The following CEPT1 variants were observed in gnomAD, a reference collection of about 807,000 sequenced individuals.
The protein encoded by CEPT1 is choline/ethanolaminephosphotransferase 1.
In CEPT1, 7 loss-of-function variants were observed where a neutral mutation model predicts 42.6. The ratio of observed to expected loss-of-function variants is 0.16; its 90% confidence interval spans 0.09 to 0.31. The LOEUF (loss-of-function observed/expected upper bound fraction) is 0.31, where lower values mean the gene tolerates loss of function less well. Ranked by LOEUF, CEPT1 falls within the 10% of genes least tolerant of loss-of-function variation. The pLI, the probability that CEPT1 is intolerant of heterozygous loss-of-function variation, is 1.00. For synonymous variants in CEPT1, 171 were observed against 171.9 expected, an observed-to-expected ratio of 0.99 and a Z score of 0.04; for missense variants, 306 against 502.1, an observed-to-expected ratio of 0.61 and a Z score of 3.73.
chr1:111,172,233 C>T lies in CEPT1; in HGVS notation c.630-2646C>T, dbSNP rs1318374059. Among the ~76,000 whole-genome samples, 5 of 152,032 alleles carry T rather than the reference C, an allele frequency of 3.3e-5. No homozygotes were observed. The South Asian group carries it at 1.0e-3, about 32-fold the overall frequency. The stretch of plus-strand genomic sequence containing the variant: ...CATTTGGGTCCTCTTTGACCACATA[C>T]CCCATGTGTCTTGAAGGGTTTTTTG... On this transcript the variant is annotated intron_variant, in intron 4 of 8. Transcript: ENST00000357172.
At chr1:111,167,419 AGTCAAT>A (rs1656193809) in intron 4 of CEPT1, 2 of 909,686 alleles carry the variant, frequency 2.2e-6, no homozygotes, top group Non-Finnish European at 2.6e-6. Context: ...TTGATGCTAA[AGTCAAT>A]TCTCCTGTTT....
At chr1:111,167,111 A>G in intron 4 of CEPT1, 1 of 985,240 alleles carries the variant, frequency 1.0e-6, no homozygotes, top group Non-Finnish European at 1.2e-6. Context: ...CATAGATTCG[A>G]TGTTACAGAG....
intron 6 of CEPT1, 193 bp from the exon 7 acceptor site, chr1:111,182,606 C>T (rs186474085): frequency 5.1e-6 from 3 of 588,056 alleles, no homozygotes; most frequent in East Asian, 3.0e-5. Flanking sequence ...GTGAAATCCT[C>T]AGTTTGTGCC....
intron 5 of CEPT1, among the ~76,000 whole-genome samples, chr1:111,176,483 T>C (rs1367201531): frequency 2.0e-5 from 3 of 152,174 alleles, no homozygotes; most frequent in Admixed American, 1.3e-4. Context: ...ATTTGTAATA[T>C]GTTGTACATA....
At chr1:111,170,769 G>A (rs1001560612) in intron 4 of CEPT1, among the ~76,000 whole-genome samples, 5 of 152,118 alleles carry the variant, frequency 3.3e-5, no homozygotes, top group African/African-American at 4.8e-5. Context: ...GAATCTAGAC[G>A]TCTTCAAATA....
In CEPT1 at chr1:111,174,863, T is replaced by C; in HGVS notation, c.630-16T>C. 6.4e-7 allele frequency: 1 copy of C among 1,566,414 alleles called. No homozygotes were observed. The highest frequency in any genetic ancestry group is 8.8e-7 in the Non-Finnish European group (1 of 1,136,896). On this transcript the variant is annotated splice_polypyrimidine_tract_variant and intron_variant, in intron 4 of 8. Coordinates refer to ENST00000357172, the MANE Select transcript of CEPT1 (RefSeq NM_006090.5). The stretch of plus-strand genomic sequence containing the variant: ...TGTGACTAATTCTGCTCTTTTGGCT[T>C]TTTGTACCTAATCAGAATTGATGTG...
At chr1:111,184,080 T>C in intron 8 of CEPT1, 111 bp from the exon 9 acceptor site, 1 of 1,094,982 alleles carries the variant, frequency 9.1e-7, no homozygotes, top group Non-Finnish European at 1.3e-6. Context: ...ATTGAATTAT[T>C]TTATGGAATG....
At chr1:111,182,525 C>T (rs1657040678) in intron 6 of CEPT1, 2 of 585,792 alleles carry the variant, frequency 3.4e-6, no homozygotes, top group South Asian at 2.4e-5. Flanking sequence ...TGCATACACA[C>T]ACACAAACAC....
At chr1:111,144,172 G>A (rs1417772834) in intron 1 of CEPT1, among the ~76,000 whole-genome samples, 2 of 152,092 alleles carry the variant, frequency 1.3e-5, no homozygotes, top group Non-Finnish European at 1.5e-5. Flanking sequence ...CTTTTCATTT[G>A]CTAAAATTCA....
chr1:111,160,807 G>GC (rs1162430543), intron 3 of CEPT1: 2 of 267,398 alleles, frequency 7.5e-6, no homozygotes, highest in Non-Finnish European at 1.4e-5. Flanking sequence ...GGATTATATA[G>GC]CCCCTTTGTT....
intron 2 of CEPT1, among the ~76,000 whole-genome samples, chr1:111,158,364 A>AT (rs1655683920): frequency 1.3e-5 from 2 of 152,190 alleles, no homozygotes; most frequent in Non-Finnish European, 1.5e-5. Context: ...AAATAAATAA[A>AT]TAAATTAATT....
intron 3 of CEPT1, chr1:111,160,419 T>C (rs1655807495): frequency 6.6e-6 from 1 of 152,236 alleles, no homozygotes; most frequent in African/African-American, 2.4e-5. Context: ...CTTATAGTTT[T>C]ACCTCCTGAA....
At chr1:111,145,059 A>G (rs1245510766) in intron 1 of CEPT1, among the ~76,000 whole-genome samples, 2 of 151,942 alleles carry the variant, frequency 1.3e-5, no homozygotes, top group Non-Finnish European at 2.9e-5. Context: ...TTTGTCACTC[A>G]GGCTGGAATG....
Position 111,182,335 on chromosome 1 carries a change from AT to A in CEPT1, c.846+21del, listed in dbSNP as rs1429517725. 1 of 1,607,288 alleles carries A rather than the reference AT, an allele frequency of 6.2e-7. No individual in the cohort carries two copies. The highest frequency in any genetic ancestry group is 8.5e-7 in the Non-Finnish European group (1 of 1,177,774). ...ACAATAGCAGTAAGTATACCTTAAG[AT>A]TTTCAACACTTGTTTACACTAGGAC... On this transcript the variant is annotated intron_variant, in intron 6 of 8. Coordinates refer to ENST00000357172, the MANE Select transcript of CEPT1 (RefSeq NM_006090.5).
chr1:111,170,394 T>C (rs1656360116), intron 4 of CEPT1, among the ~76,000 whole-genome samples: 1 of 152,206 alleles, frequency 6.6e-6, no homozygotes, highest in African/African-American at 2.4e-5. Context: ...GTAATGTGTT[T>C]TTAATAATTA....
chr1:111,178,745 A>G (rs1447255717), intron 5 of CEPT1: 1 of 152,204 alleles, frequency 6.6e-6, no homozygotes, highest in Non-Finnish European at 1.5e-5. Context: ...TTAAGCCATA[A>G]GGGACTTTCT....
At chr1:111,184,049 T>G in intron 8 of CEPT1, 142 bp from the exon 9 acceptor site, 1 of 877,028 alleles carries the variant, frequency 1.1e-6, no homozygotes, top group Non-Finnish European at 1.8e-6. Flanking sequence ...AGTTTGTATG[T>G]GAAGGAAAGA....
At chr1:111,152,927 A>T (rs565268699) in intron 2 of CEPT1, among the ~76,000 whole-genome samples, 1 of 152,346 alleles carries the variant, frequency 6.6e-6, no homozygotes, top group East Asian at 1.9e-4. Flanking sequence ...TAATGATCAG[A>T]TCAGGGTAAT....
chr1:111,140,676 C>G (rs1654436939), intron 1 of CEPT1: 1 of 152,438 alleles, frequency 6.6e-6, no homozygotes, highest in South Asian at 2.1e-4. Flanking sequence ...CTACCCGTGC[C>G]GAACGGACCT....
Sources: allele counts gnomAD v4.1 joint callset (sites outside exome capture counted in the v4.1 genomes callset), GRCh38; gene constraint gnomAD v4.1.1; transcripts MANE v1.5; gene names NCBI Gene and HGNC (gene_info 2026-07-23, HGNC 2026-07-21).